Variants in TFDP2 observed in about 807,000 individuals in gnomAD.
TFDP2 encodes the protein transcription factor Dp-2 (E2F dimerization partner 2).
In TFDP2, 17 loss-of-function variants were observed where a neutral mutation model predicts 59.3. That is an observed-to-expected ratio of 0.29 (90% CI 0.20 to 0.43). TFDP2 has a LOEUF of 0.43. TFDP2 is among the 20% of genes least tolerant of loss of function. The pLI is 1.00. For synonymous variants in TFDP2, 180 were observed against 194.7 expected, an observed-to-expected ratio of 0.92 and a Z score of 0.63; for missense variants, 391 against 528.8, an observed-to-expected ratio of 0.74 and a Z score of 2.56.
intron 1 of TFDP2, among the ~76,000 whole-genome samples, chr3:142,114,086 AC>A (rs2061762617): frequency 6.6e-6 from 1 of 151,570 alleles, no homozygotes; most frequent in Admixed American, 6.6e-5. Flanking sequence ...AATGGCGTGA[AC>A]CCGGGAGGTG....
intron 8 of TFDP2, among the ~76,000 whole-genome samples, chr3:141,971,972 A>G (rs982545026): frequency 1.3e-5 from 2 of 152,208 alleles, no homozygotes; most frequent in African/African-American, 4.8e-5. Context: ...AGATCTTTAA[A>G]CTAAATTTGT....
chr3:142,012,172 C>A (rs1336346133), intron 3 of TFDP2, among the ~76,000 whole-genome samples: 1 of 151,868 alleles, frequency 6.6e-6, no homozygotes, highest in Non-Finnish European at 1.5e-5. Flanking sequence ...ACCACCACAC[C>A]CGGCTAATTT....
chr3:142,022,019 T>C (rs1945656113), intron 3 of TFDP2, among the ~76,000 whole-genome samples: 1 of 152,248 alleles, frequency 6.6e-6, no homozygotes, highest in Non-Finnish European at 1.5e-5. Flanking sequence ...TTTTAATTGT[T>C]CAATTTCTCA....
rs114958690 is a variant in TFDP2, at chr3:142,099,396, A to G, written c.15+2339T>C. 3.5e-3 allele frequency among the ~76,000 whole-genome samples: 536 copies of G among 152,184 alleles called. 3 individuals are homozygous for G. The highest frequency in any genetic ancestry group is 0.012 in the African/African-American group (503 of 41,514). ...TCACATGTAGTCCCATTGCTTTACAATGATTTTAATATGAAATGACCCGGG... is the reference window on the plus strand; with the variant it reads ...TCACATGTAGTCCCATTGCTTTACAGTGATTTTAATATGAAATGACCCGGG... On this transcript the variant is annotated intron_variant, in intron 2 of 12. Transcript: ENST00000489671.
At chr3:141,967,243 T>A (rs1028698031) in intron 9 of TFDP2, among the ~76,000 whole-genome samples, 3 of 151,558 alleles carry the variant, frequency 2.0e-5, no homozygotes, top group African/African-American at 7.3e-5. Flanking sequence ...GACAACTTAA[T>A]TTATTTGATG....
At chr3:142,148,221 T>C (rs1362203281) in intron 1 of TFDP2, among the ~76,000 whole-genome samples, 2 of 151,876 alleles carry the variant, frequency 1.3e-5, no homozygotes, top group Admixed American at 6.6e-5. Flanking sequence ...AGAGCCTTAC[T>C]GAAAGAAAGC....
In TFDP2 at chr3:141,948,373, C is replaced by G. The variant is rs1280530575; in HGVS notation, c.*4140G>C. 6.6e-6 allele frequency: 1 copy of G among 152,114 alleles called. No homozygotes were observed. Among genetic ancestry groups the G allele is most frequent in the Non-Finnish European group, 1.5e-5 (1 of 68,074 alleles). The allele number at this position is 152,114 out of a possible 1,614,324, so 9.4% of individuals were successfully genotyped here. ...CCTGGGCAACACGGTGAAACCCTGA[C>G]TCTACTAAAAATACAAAAAATTAGT... On this transcript the variant is annotated 3_prime_UTR_variant, in exon 13 of 13. Transcript: ENST00000489671.
chr3:142,048,530 G>A (rs898146787), intron 3 of TFDP2, among the ~76,000 whole-genome samples: 1 of 152,060 alleles, frequency 6.6e-6, no homozygotes, highest in Non-Finnish European at 1.5e-5. Flanking sequence ...TCTAAAGAAA[G>A]ATATAAATGC....
At chr3:142,114,046 T>C (rs2061760286) in intron 1 of TFDP2, among the ~76,000 whole-genome samples, 1 of 152,014 alleles carries the variant, frequency 6.6e-6, no homozygotes, top group Admixed American at 6.6e-5. Context: ...GCGCCTGTAG[T>C]CTCAGCTACT....
chr3:142,092,837 T>C (rs2061042327), intron 3 of TFDP2, among the ~76,000 whole-genome samples: 1 of 152,214 alleles, frequency 6.6e-6, no homozygotes, highest in South Asian at 2.1e-4. Flanking sequence ...AGATCATTGA[T>C]AAGGGATCTT....
intron 3 of TFDP2, among the ~76,000 whole-genome samples, chr3:142,050,160 G>A (rs887388324): frequency 2.0e-5 from 3 of 151,588 alleles, no homozygotes; most frequent in African/African-American, 2.4e-5. Flanking sequence ...CCAGCTACTC[G>A]GGAGGCTGAG....
At chr3:142,000,071 T>A (rs1943635661) in intron 4 of TFDP2, among the ~76,000 whole-genome samples, 5 of 152,160 alleles carry the variant, frequency 3.3e-5, no homozygotes, top group Admixed American at 1.3e-4. Flanking sequence ...AAAACTTTTT[T>A]AAAAATCATG....
intron 3 of TFDP2, among the ~76,000 whole-genome samples, chr3:142,035,413 G>C (rs958288110): frequency 1.3e-5 from 2 of 152,176 alleles, no homozygotes; most frequent in African/African-American, 4.8e-5. Context: ...TGAGACAATA[G>C]TATGTCTAAT....
At position 142,009,235 on chromosome 3, in the gene TFDP2, C is replaced by T. The variant is rs555671478; in HGVS notation, c.83-3691G>A. ...AGTATTACCTTTCCTAATCTGGATG[C>T]CAAACTTCCTGCAATACAGTTTAAT... is the stretch of plus-strand genomic sequence containing the variant. On this transcript the variant is annotated intron_variant, in intron 3 of 12. Transcript: ENST00000489671. Among the ~76,000 whole-genome samples, 152 of 152,284 alleles carry T rather than the reference C, an allele frequency of 1.0e-3. No individual in the cohort carries two copies. In the South Asian group the frequency reaches 0.016, roughly 16 times the overall value.
intron 1 of TFDP2, among the ~76,000 whole-genome samples, chr3:142,117,921 A>ACCCCGT (rs2061899943): frequency 6.6e-6 from 1 of 152,046 alleles, no homozygotes; most frequent in South Asian, 2.1e-4. Context: ...ACATGGTGAA[A>ACCCCGT]CCCCGTCTCT....
chr3:142,028,812 A>T, intron 3 of TFDP2: 1 of 661,440 alleles, frequency 1.5e-6, no homozygotes, highest in Non-Finnish European at 1.9e-6. Context: ...AAGAAATTGA[A>T]AAGTGCAGGT....
At chr3:141,976,727 G>A (rs1456859834) in intron 7 of TFDP2, among the ~76,000 whole-genome samples, 1 of 151,962 alleles carries the variant, frequency 6.6e-6, no homozygotes, top group African/African-American at 2.4e-5. Flanking sequence ...TCACAAAGGG[G>A]CTTGCAGATC....
chr3:142,076,482 A>C (rs2060462330), intron 3 of TFDP2, among the ~76,000 whole-genome samples: 1 of 152,194 alleles, frequency 6.6e-6, no homozygotes, highest in Non-Finnish European at 1.5e-5. Flanking sequence ...AGCTATAAAT[A>C]AAATGGAAGA....
intron 1 of TFDP2, among the ~76,000 whole-genome samples, chr3:142,115,645 T>C (rs1228326218): frequency 6.6e-6 from 1 of 152,236 alleles, no homozygotes; most frequent in African/African-American, 2.4e-5. Context: ...TATAAGTACC[T>C]GCATGTAGAG....
Sources: gnomAD v4.1 joint callset for allele counts (sites outside exome capture counted in the v4.1 genomes callset) on GRCh38, gnomAD v4.1.1 for gene constraint, MANE v1.5 for transcripts, NCBI Gene and HGNC (gene_info 2026-07-23, HGNC 2026-07-21) for gene names.